Variants in PLA2G5 observed in about 807,000 individuals in gnomAD.
The protein encoded by PLA2G5 is phospholipase A2 group V, also known as Ca2+-dependent phospholipase A2.
A neutral mutation model predicts 15.9 loss-of-function variants in PLA2G5; 12 were observed. The observed-to-expected ratio is 0.76, with a 90% CI of 0.48 to 1.23. The LOEUF (loss-of-function observed/expected upper bound fraction) is 1.23. Ranked by LOEUF, PLA2G5 falls within the 50% of genes most tolerant of loss-of-function variation. The pLI is 0.00. For synonymous variants in PLA2G5, 71 were observed against 71.4 expected (o/e 0.99, Z 0.03); for missense variants, 169 against 177.1 (o/e 0.95, Z 0.26).
chr1:20,069,739 GATTAAAGGACACCAAAGAGCCACAACA>G (rs1485416979), upstream of PLA2G5, among the ~76,000 whole-genome samples: 2 of 151,890 alleles, frequency 1.3e-5, no homozygotes, highest in Admixed American at 6.6e-5. Flanking sequence ...GAACTTTCTA[GATTAAAGGACACCAAAGAGCCACAACA>G]ATTAGATGCA....
At chr1:20,036,366 C>T (rs920068921) in intron 1 of PLA2G5, among the ~76,000 whole-genome samples, 1 of 152,098 alleles carries the variant, frequency 6.6e-6, no homozygotes, top group African/African-American at 2.4e-5. Context: ...TTTGGGAACA[C>T]CAATTATTCA....
intron 1 of PLA2G5, among the ~76,000 whole-genome samples, chr1:20,043,753 T>G (rs1457788869): frequency 1.3e-5 from 2 of 152,164 alleles, no homozygotes; most frequent in African/African-American, 4.8e-5. Context: ...TAAGGGATTT[T>G]GAAGCTTGGC....
chr1:20,068,220 C>T (rs606980), upstream of PLA2G5, among the ~76,000 whole-genome samples: 28,061 of 152,170 alleles, frequency 0.18, 3,278 homozygotes, highest in African/African-American at 0.32. Flanking sequence ...ACTTTCCTTA[C>T]GGGTAAATAA....
chr1:20,050,291 C>T (rs2014119722), intron 1 of PLA2G5, among the ~76,000 whole-genome samples: 1 of 152,132 alleles, frequency 6.6e-6, no homozygotes, highest in African/African-American at 2.4e-5. Context: ...CATCTTCAGG[C>T]CCAGTAGAAG....
chr1:20,056,344 C>T (rs1447149439), intron 1 of PLA2G5, among the ~76,000 whole-genome samples: 2 of 151,822 alleles, frequency 1.3e-5, no homozygotes, highest in Non-Finnish European at 2.9e-5. Context: ...GCCATCTTGC[C>T]CCCCTATCCT....
chr1:20,039,511 C>T (rs547319049), intron 1 of PLA2G5, among the ~76,000 whole-genome samples: 22 of 152,164 alleles, frequency 1.4e-4, no homozygotes, highest in African/African-American at 5.3e-4. Flanking sequence ...GTCAGTAAAA[C>T]TTTACAAATT....
chr1:20,060,569 CAGAA>C (rs2014673057), intron 2 of PLA2G5, among the ~76,000 whole-genome samples: 1 of 150,214 alleles, frequency 6.7e-6, no homozygotes, highest in South Asian at 2.1e-4. Flanking sequence ...GTGTTTTCAA[CAGAA>C]AGACATTAGA....
intron 2 of PLA2G5, among the ~76,000 whole-genome samples, chr1:20,062,220 T>A (rs2014769324): frequency 6.6e-6 from 1 of 152,236 alleles, no homozygotes; most frequent in African/African-American, 2.4e-5. Flanking sequence ...TATTTCCTTA[T>A]AGCAGTGCAA....
At chr1:20,029,421 C>T (rs558589161) in intron 1 of PLA2G5, among the ~76,000 whole-genome samples, 140 of 152,360 alleles carry the variant, frequency 9.2e-4, no homozygotes, top group Middle Eastern at 6.8e-3. Flanking sequence ...ATATGCTCCT[C>T]TCAAGGTCCA....
At chr1:20,088,070 A>T (rs1461153744) in intron 3 of PLA2G5, among the ~76,000 whole-genome samples, 1 of 152,058 alleles carries the variant, frequency 6.6e-6, no homozygotes, top group Non-Finnish European at 1.5e-5. Flanking sequence ...AAGAGACAAG[A>T]CCATGGGCCG....
intron 1 of PLA2G5, among the ~76,000 whole-genome samples, chr1:20,037,186 T>C (rs149613801): frequency 4.5e-4 from 69 of 152,340 alleles, no homozygotes; most frequent in African/African-American, 1.6e-3. Context: ...GGGTAGACTA[T>C]GTCAGAGGAA....
chr1:20,028,656 A>T (rs926945983), exon 1 of PLA2G5: 4 of 152,240 alleles, frequency 2.6e-5, no homozygotes, highest in African/African-American at 9.7e-5. Flanking sequence ...GTGTTTCTGG[A>T]TGACTGCCTG....
intron 1 of PLA2G5, among the ~76,000 whole-genome samples, chr1:20,041,675 T>C (rs2013608239): frequency 6.6e-6 from 1 of 152,144 alleles, no homozygotes; most frequent in Non-Finnish European, 1.5e-5. Context: ...ATAACCTACA[T>C]GGAAGAGGTT....
chr1:20,037,194 G>A (rs1338458725), intron 1 of PLA2G5, among the ~76,000 whole-genome samples: 1 of 152,194 alleles, frequency 6.6e-6, no homozygotes, highest in Non-Finnish European at 1.5e-5. Context: ...TATGTCAGAG[G>A]AAAGATCTGG....
At chr1:20,082,110 T>C (rs1026543203) in intron 1 of PLA2G5, among the ~76,000 whole-genome samples, 9 of 151,828 alleles carry the variant, frequency 5.9e-5, no homozygotes, top group African/African-American at 2.2e-4. Context: ...ACAGCAGAAG[T>C]GAAAGCTTAT....
chr1:20,060,444 G>T (rs1248610275), intron 2 of PLA2G5, among the ~76,000 whole-genome samples: 1 of 151,376 alleles, frequency 6.6e-6, no homozygotes, highest in African/African-American at 2.4e-5. Context: ...GTAGAGATGG[G>T]GTTTCATCAT....
upstream of PLA2G5, chr1:20,069,107 C>T: frequency 2.2e-6 from 1 of 456,362 alleles, no homozygotes; most frequent in Non-Finnish European, 4.4e-6. Flanking sequence ...ATTTTATACT[C>T]ATCAGATTGG....
At chr1:20,086,584 A>G (rs1005546956) in intron 3 of PLA2G5, among the ~76,000 whole-genome samples, 5 of 152,194 alleles carry the variant, frequency 3.3e-5, no homozygotes, top group Non-Finnish European at 7.3e-5. Context: ...ATGGCTGGCA[A>G]GTGGTCAGCA....
At chr1:20,055,370 T>G (rs1423239878) in intron 1 of PLA2G5, among the ~76,000 whole-genome samples, 3 of 152,172 alleles carry the variant, frequency 2.0e-5, no homozygotes, top group Non-Finnish European at 1.5e-5. Flanking sequence ...TGACCTTTAT[T>G]CTCTGCAAGT....
Sources: allele counts gnomAD v4.1 joint callset (sites outside exome capture counted in the v4.1 genomes callset), GRCh38; gene constraint gnomAD v4.1.1; transcripts MANE v1.5; gene names NCBI Gene and HGNC (gene_info 2026-07-23, HGNC 2026-07-21).